TTC39C: variants seen among roughly 807,000 people sequenced by gnomAD.
The protein encoded by TTC39C is tetratricopeptide repeat protein 39C.
In TTC39C, 33 loss-of-function variants were observed where a neutral mutation model predicts 76.3. That is an observed-to-expected ratio of 0.43 (90% CI 0.33 to 0.58). TTC39C has a LOEUF of 0.58. TTC39C is among the 20% of genes least tolerant of loss of function. The pLI is 0.04. For missense variants in TTC39C, 595 were observed against 701.4 expected, an observed-to-expected ratio of 0.85 and a Z score of 1.71; for synonymous variants, 254 against 260.6, an observed-to-expected ratio of 0.97 and a Z score of 0.24.
At chr18:24,005,397 A>AT (rs1264019284) in intron 1 of TTC39C, among the ~76,000 whole-genome samples, 19 of 152,026 alleles carry the variant, frequency 1.2e-4, no homozygotes, top group South Asian at 4.2e-4. Context: ...ATAATAAAAT[A>AT]TTTTTTTTGC....
Position 24,133,749 on chromosome 18 carries a change from T to C in TTC39C, c.*1175T>C, listed in dbSNP as rs1296092128. ...TGCCCGGTACTGCAAACCTGTGGTT[T>C]TGAAGAATCTAAATACCTCAGTCAC... On this transcript the variant is annotated 3_prime_UTR_variant, in exon 14 of 14. Transcript: ENST00000317571. 8 of 152,342 alleles carry C rather than the reference T, an allele frequency of 5.3e-5. No individual in the cohort carries two copies. The East Asian group carries it at 9.6e-4, about 18-fold the overall frequency. 9.4% of individuals were successfully genotyped at this position (152,342 alleles called of 1,614,324 possible).
chr18:24,070,299 C>G (rs754233890), intron 4 of TTC39C, among the ~76,000 whole-genome samples: 6 of 152,160 alleles, frequency 3.9e-5, no homozygotes, highest in Non-Finnish European at 8.8e-5. Context: ...TTCAATAATT[C>G]TTTTTCTCCT....
intron 5 of TTC39C, 131 bp from the exon 6 acceptor site, chr18:24,082,782 A>T: frequency 2.3e-6 from 2 of 885,990 alleles, no homozygotes; most frequent in Non-Finnish European, 3.2e-6. Context: ...CTCTGATTTT[A>T]CTTCTTCAGA....
intron 1 of TTC39C, among the ~76,000 whole-genome samples, chr18:24,028,008 G>C (rs528857639): frequency 5.7e-4 from 87 of 152,254 alleles, no homozygotes; most frequent in African/African-American, 2.1e-3. Flanking sequence ...AATGCCATTT[G>C]CTTCAGCTGT....
At chr18:24,123,432 A>G (rs2145822890) in intron 8 of TTC39C, among the ~76,000 whole-genome samples, 1 of 151,998 alleles carries the variant, frequency 6.6e-6, no homozygotes, top group East Asian at 1.9e-4. Flanking sequence ...TCTGAGACAG[A>G]GTCTCATTCT....
At chr18:24,051,236 A>G (rs1207951972) in intron 1 of TTC39C, among the ~76,000 whole-genome samples, 2 of 152,224 alleles carry the variant, frequency 1.3e-5, no homozygotes, top group African/African-American at 4.8e-5. Flanking sequence ...TGCCTGTTAC[A>G]GGCTAACAGC....
At chr18:24,128,414 ATAT>A (rs1480331862) in intron 10 of TTC39C, among the ~76,000 whole-genome samples, 2 of 149,118 alleles carry the variant, frequency 1.3e-5, no homozygotes. Flanking sequence ...TCTATATATA[ATAT>A]TATATAAAAT....
At chr18:24,081,833 C>G (rs1321434465) in intron 5 of TTC39C, among the ~76,000 whole-genome samples, 2 of 151,982 alleles carry the variant, frequency 1.3e-5, no homozygotes, top group Non-Finnish European at 2.9e-5. Context: ...GGTTTGTTAA[C>G]TTGTGATCAT....
At chr18:24,029,105 G>A (rs945062846) in intron 1 of TTC39C, among the ~76,000 whole-genome samples, 6 of 29,434 alleles carry the variant, frequency 2.0e-4, no homozygotes, top group African/African-American at 3.2e-4. Flanking sequence ...TGTTGTTGTT[G>A]TTGTTGTTTT....
intron 6 of TTC39C, among the ~76,000 whole-genome samples, chr18:24,095,149 G>A (rs1035651155): frequency 6.6e-6 from 1 of 152,174 alleles, no homozygotes; most frequent in Non-Finnish European, 1.5e-5. Flanking sequence ...TTATGGAGAC[G>A]GCTTCTTTCC....
At chr18:24,123,798 C>A in intron 8 of TTC39C, 36 bp from the exon 9 acceptor site, 1 of 1,513,898 alleles carries the variant, frequency 6.6e-7, no homozygotes, top group South Asian at 1.2e-5. Flanking sequence ...TTTTCCCTGA[C>A]TTGTACTTAA....
intron 5 of TTC39C, 149 bp from the exon 6 acceptor site, chr18:24,082,764 G>A (rs191700254): frequency 0.011 from 8,562 of 748,742 alleles, 95 homozygotes; most frequent in Non-Finnish European, 0.012. Context: ...CATTAAAATG[G>A]GGAAAGTCTC....
intron 1 of TTC39C, among the ~76,000 whole-genome samples, chr18:24,017,047 A>G (rs982528689): frequency 3.9e-5 from 6 of 152,154 alleles, no homozygotes; most frequent in African/African-American, 1.4e-4. Context: ...TGCTTCCCTC[A>G]CTAAATTTAT....
chr18:24,009,382 C>T (rs937040048), intron 1 of TTC39C, among the ~76,000 whole-genome samples: 3 of 152,182 alleles, frequency 2.0e-5, no homozygotes, highest in African/African-American at 7.2e-5. Flanking sequence ...CCAGAGACGG[C>T]CTCTCCCTCT....
At chr18:24,035,388 A>G (rs1221430567) in intron 1 of TTC39C, among the ~76,000 whole-genome samples, 1 of 152,090 alleles carries the variant, frequency 6.6e-6, no homozygotes, top group Non-Finnish European at 1.5e-5. Flanking sequence ...CAGCGATTTT[A>G]CCATTTTACA....
At chr18:24,108,164 G>T (rs2084770801) in intron 6 of TTC39C, among the ~76,000 whole-genome samples, 1 of 152,168 alleles carries the variant, frequency 6.6e-6, no homozygotes, top group African/African-American at 2.4e-5. Flanking sequence ...GTCACCTCTT[G>T]TCCGATGTTT....
chr18:24,030,125 G>C (rs2083649600), intron 1 of TTC39C, among the ~76,000 whole-genome samples: 1 of 152,190 alleles, frequency 6.6e-6, no homozygotes, highest in Non-Finnish European at 1.5e-5. Flanking sequence ...TACTTTTTAA[G>C]TAGTTCTTGT....
At chr18:24,086,983 C>T (rs1358234045) in intron 6 of TTC39C, among the ~76,000 whole-genome samples, 1 of 151,864 alleles carries the variant, frequency 6.6e-6, no homozygotes, top group African/African-American at 2.4e-5. Context: ...AAAGCAAGGC[C>T]TGTGATTGGC....
At chr18:24,032,501 G>C (rs1482189625) in intron 1 of TTC39C, among the ~76,000 whole-genome samples, 1 of 152,192 alleles carries the variant, frequency 6.6e-6, no homozygotes, top group Non-Finnish European at 1.5e-5. Flanking sequence ...TACATAATGA[G>C]ATATTTTAGG....
Sources: gnomAD v4.1 joint callset for allele counts (sites outside exome capture counted in the v4.1 genomes callset) on GRCh38, gnomAD v4.1.1 for gene constraint, MANE v1.5 for transcripts, NCBI Gene and HGNC (gene_info 2026-07-23, HGNC 2026-07-21) for gene names.